The following TTLL5 variants were observed in gnomAD, a reference collection of about 807,000 sequenced individuals.
TTLL5 encodes the protein tubulin polyglutamylase TTLL5.
Under a neutral mutation model 168.4 loss-of-function variants are expected in TTLL5, and 132 were observed. That is an observed-to-expected ratio of 0.78 (90% CI 0.68 to 0.91). TTLL5 has a LOEUF of 0.91. Among genes scored for constraint, TTLL5 ranks in the 40% least tolerant of loss-of-function variants. TTLL5 has a pLI of 0.00. For missense variants in TTLL5, 1,545 were observed against 1,581.5 expected (o/e 0.98, Z 0.39); for synonymous variants, 546 against 558.6 (o/e 0.98, Z 0.32).
At chr14:75,710,491 C>T (rs1308793166) in intron 9 of TTLL5, 1 of 151,702 alleles carries the variant, frequency 6.6e-6, no homozygotes, top group African/African-American at 2.4e-5. Flanking sequence ...AAAACTCAGA[C>T]CAAGTAGAAC....
chr14:75,872,125 T>C (rs1566639418), intron 29 of TTLL5, among the ~76,000 whole-genome samples: 1 of 152,262 alleles, frequency 6.6e-6, no homozygotes. Flanking sequence ...GGGTCATGGC[T>C]GATCCTTTGA....
chr14:75,941,007 T>TC (rs1481825065), intron 31 of TTLL5, among the ~76,000 whole-genome samples: 1 of 152,206 alleles, frequency 6.6e-6, no homozygotes, highest in African/African-American at 2.4e-5. Context: ...AAGGAAATCT[T>TC]CCCCCATAGA....
chr14:75,926,972 G>A (rs865840191), intron 31 of TTLL5, among the ~76,000 whole-genome samples: 7 of 152,354 alleles, frequency 4.6e-5, no homozygotes, highest in African/African-American at 1.7e-4. Context: ...AGATTGCCTA[G>A]GAACTGGGGC....
chr14:75,804,737 T>G (rs1893549843), intron 27 of TTLL5, among the ~76,000 whole-genome samples: 1 of 152,244 alleles, frequency 6.6e-6, no homozygotes, highest in Non-Finnish European at 1.5e-5. Context: ...CAGCAAGACC[T>G]TGGACAAGTT....
chr14:75,687,677 T>C (rs182872479), intron 5 of TTLL5, among the ~76,000 whole-genome samples: 274 of 152,204 alleles, frequency 1.8e-3, no homozygotes, highest in Non-Finnish European at 3.0e-3. Context: ...GCAAAACACA[T>C]AACTGATAAA....
chr14:75,727,726 C>A, intron 12 of TTLL5: 1 of 383,608 alleles, frequency 2.6e-6, no homozygotes, highest in South Asian at 2.0e-5. Flanking sequence ...ATGGATGAAC[C>A]TCAGAAACAT....
At chr14:75,761,480 T>TATTCAGACAGTG (rs1189524264) in intron 18 of TTLL5, among the ~76,000 whole-genome samples, 1 of 152,352 alleles carries the variant, frequency 6.6e-6, no homozygotes, top group African/African-American at 2.4e-5. Flanking sequence ...AACTGTGGGT[T>TATTCAGACAGTG]ATTCAGACAG....
intron 31 of TTLL5, among the ~76,000 whole-genome samples, chr14:75,923,436 C>T (rs1324954250): frequency 6.6e-6 from 1 of 152,126 alleles, no homozygotes; most frequent in African/African-American, 2.4e-5. Flanking sequence ...TTTCAAAGAA[C>T]ATCTTTATTT....
At chr14:75,757,225 G>A (rs940825653) in intron 18 of TTLL5, among the ~76,000 whole-genome samples, 1 of 152,070 alleles carries the variant, frequency 6.6e-6, no homozygotes, top group African/African-American at 2.4e-5. Flanking sequence ...CAATCCCCCT[G>A]CTTCGGCCAG....
At chr14:75,851,095 CAAAAAAAAA>C (rs35393032) in intron 28 of TTLL5, among the ~76,000 whole-genome samples, 2 of 95,952 alleles carry the variant, frequency 2.1e-5, no homozygotes, top group Non-Finnish European at 3.9e-5. Context: ...GACCTTGTCT[CAAAAAAAAA>C]AAAAAAAAAA....
At chr14:75,694,254 A>G (rs1885665586) in intron 6 of TTLL5, among the ~76,000 whole-genome samples, 1 of 152,264 alleles carries the variant, frequency 6.6e-6, no homozygotes, top group African/African-American at 2.4e-5. Flanking sequence ...ATCAAGGAGA[A>G]AAGCCTAGCA....
Position 75,734,010 on chromosome 14 carries a change from G to T in TTLL5, c.1146G>T (p.Lys382Asn). Residue 382 changes from lysine (K) to asparagine (N), a missense_variant, in exon 14 of 32, where the codon AAG (lysine) becomes AAT (asparagine). By Grantham distance (94) the Lys-to-Asn change is moderately conservative (BLOSUM62 0). Transcript: ENST00000298832. ...TTAGTGATGCGCCTCTGGACCTAAA[G>T]ATTAAAGCCAGTATGATTTCAGATA... ...SLACDAPLDL[K>N]IKASMISDMF... 2 of 1,614,026 alleles carry T rather than the reference G, an allele frequency of 1.2e-6. No homozygotes were observed. Among genetic ancestry groups the T allele is most frequent in the Non-Finnish European group, 1.7e-6 (2 of 1,179,950 alleles).
At chr14:75,792,459 G>A (rs564689248) in intron 26 of TTLL5, among the ~76,000 whole-genome samples, 2 of 151,584 alleles carry the variant, frequency 1.3e-5, no homozygotes, top group East Asian at 3.9e-4. Flanking sequence ...GAGTATACTC[G>A]ATTTTGTTTT....
intron 31 of TTLL5, among the ~76,000 whole-genome samples, chr14:75,933,617 C>T (rs10131117): frequency 0.8 from 121,011 of 152,090 alleles, 48,267 homozygotes; most frequent in African/African-American, 0.84. Context: ...TGGGATCTGC[C>T]TCCAAGTTGT....
chr14:75,678,658 A>G (rs1463744294), intron 3 of TTLL5, among the ~76,000 whole-genome samples: 1 of 150,900 alleles, frequency 6.6e-6, no homozygotes, highest in Admixed American at 6.7e-5. Context: ...ATTGTTATCC[A>G]TGTTTGATGG....
chr14:75,853,211 G>T (rs144167536), intron 28 of TTLL5, among the ~76,000 whole-genome samples: 1 of 152,110 alleles, frequency 6.6e-6, no homozygotes, highest in Non-Finnish European at 1.5e-5. Flanking sequence ...CACTGTCTTT[G>T]CATTTCTCAC....
At chr14:75,887,155 A>G (rs528322640) in intron 30 of TTLL5, 20 of 1,023,854 alleles carry the variant, frequency 2.0e-5, no homozygotes, top group African/African-American at 1.5e-4. Context: ...AGGGATTAGC[A>G]GGGAGGAAAG....
rs1346908019 is a variant in TTLL5 at position 75,704,361 on chromosome 14, A to G, written c.586-2657A>G. Among the ~76,000 whole-genome samples the G allele has an allele frequency of 2.0e-5, 3 of 152,322 alleles. No homozygotes were observed. The East Asian group carries it at 5.8e-4, about 29-fold the overall frequency. ...TGAGACCAGCCTGGGCAACATGGTG[A>G]AACCCCATCTCTACTAAAAATACAA... is the stretch of plus-strand genomic sequence containing the variant. On this transcript the variant is annotated intron_variant, in intron 7 of 31. Transcript: ENST00000298832.
Position 75,776,757 on chromosome 14 carries a change from A to T in TTLL5, c.2294A>T (p.Gln765Leu). 1.2e-6 allele frequency: 2 copies of T among 1,613,870 alleles called. No homozygotes were observed. Among genetic ancestry groups the T allele is most frequent in the Non-Finnish European group, 8.5e-7 (1 of 1,179,826 alleles). Residue 765 changes from glutamine (Q) to leucine (L), a missense_variant, in exon 23 of 32, where the codon CAA becomes CTA. Coordinates refer to ENST00000298832, the MANE Select transcript of TTLL5 (RefSeq NM_015072.5). The part of the protein sequence containing the change: ...FIIVYNKETE[Q>L]MAEKKSKKKV... ...TTGGGCACTGGGTAGGAAACAGAAC[A>T]AATGGCTGAAAAGAAATCAAAGAAG...
Sources: allele counts gnomAD v4.1 joint callset (sites outside exome capture counted in the v4.1 genomes callset), GRCh38; gene constraint gnomAD v4.1.1; transcripts MANE v1.5; gene names NCBI Gene and HGNC (gene_info 2026-07-23, HGNC 2026-07-21).